FBXL14: variants seen among roughly 807,000 people sequenced by gnomAD.
The protein encoded by FBXL14 is F-box and leucine rich repeat protein 14, also known as F-box/LRR-repeat protein 14.
In FBXL14, 11 loss-of-function variants were observed where a neutral mutation model predicts 24.5. The observed-to-expected ratio is 0.45, with a 90% CI of 0.28 to 0.74. The LOEUF (loss-of-function observed/expected upper bound fraction) is 0.74, where lower values mean the gene tolerates loss of function less well. Among genes scored for constraint, FBXL14 ranks in the 30% least tolerant of loss-of-function variants. The pLI, the probability that FBXL14 is intolerant of heterozygous loss-of-function variation, is 0.12. For missense variants in FBXL14, 384 were observed against 545.6 expected, an observed-to-expected ratio of 0.70 and a Z score of 2.95; for synonymous variants, 294 against 240.4, an observed-to-expected ratio of 1.22 and a Z score of -2.06.
rs2094494208 is a variant in FBXL14 at position 1,593,093 on chromosome 12, A to G, written c.974T>C (p.Met325Thr). ...CHISDDGINR[M>T]VRQMHGLRTL... Reference sequence around the variant, plus strand: ...GCGCAGCCCGTGCATCTGCCGCACCATGCGGTTGATGCCATCATCACTGAT... The same window carrying G: ...GCGCAGCCCGTGCATCTGCCGCACCGTGCGGTTGATGCCATCATCACTGAT... The change falls in exon 1 of 2, where the codon ATG becomes ACG. Residue 325 changes from methionine (M) to threonine (T), a missense_variant. Coordinates refer to ENST00000339235, the MANE Select transcript of FBXL14 (RefSeq NM_152441.3). This position sits in a 1 kb window ranked among gnomAD's most constrained non-coding sequence, Gnocchi z 7.4. 1 of 1,613,294 alleles carries G rather than the reference A, an allele frequency of 6.2e-7. No individual in the cohort carries two copies. Among genetic ancestry groups the G allele is most frequent in the African/African-American group, 1.3e-5 (1 of 74,930 alleles).
At position 1,566,764 on chromosome 12, in the gene FBXL14, C is replaced by T. The variant is rs2094436983; in HGVS notation, c.1241G>A (p.Gly414Glu). ...FSPLFTVRTRGSSRR is the reference protein window; with the variant it reads ...FSPLFTVRTRESSRR ...CCCTCTCCCTCACCTTCTGGAGCTTCCCCGAGTTCTCACAGTGAATAATGG... is the reference window on the plus strand; with the variant it reads ...CCCTCTCCCTCACCTTCTGGAGCTTTCCCGAGTTCTCACAGTGAATAATGG... Residue 414 changes from glycine to glutamate, a missense_variant, in exon 2 of 2, where the codon GGA (glycine) becomes GAA (glutamate). By Grantham distance (98) the Gly-to-Glu change is moderately conservative. Coordinates refer to ENST00000339235, the MANE Select transcript of FBXL14 (RefSeq NM_152441.3). 1.3e-6 allele frequency: 1 copy of T among 781,018 alleles called. No individual in the cohort carries two copies. Among genetic ancestry groups the T allele is most frequent in the African/African-American group, 1.7e-5 (1 of 59,262 alleles). The allele number at this position is 781,018 out of a possible 1,614,324, so 48.4% of individuals were successfully genotyped here. A position where few individuals can be genotyped will look rare whatever the true frequency, so the allele number is the denominator to read the frequency against.
At chr12:1,592,433 C>T (rs907062009) in intron 1 of FBXL14, among the ~76,000 whole-genome samples, 4 of 151,908 alleles carry the variant, frequency 2.6e-5, no homozygotes, top group African/African-American at 9.7e-5. Context: ...TTATACATTT[C>T]AAAATAAAAA....
At chr12:1,575,561 C>A (rs2094454267) in intron 1 of FBXL14, among the ~76,000 whole-genome samples, 1 of 152,202 alleles carries the variant, frequency 6.6e-6, no homozygotes, top group Admixed American at 6.5e-5. Flanking sequence ...TCTACTCCCC[C>A]TCGGAATCTC....
intron 1 of FBXL14, among the ~76,000 whole-genome samples, chr12:1,585,278 G>GT (rs1468427521): frequency 2.6e-5 from 4 of 152,042 alleles, no homozygotes; most frequent in African/African-American, 9.7e-5. Flanking sequence ...GGTGCCTGTG[G>GT]TCCCCGCTAC....
intron 1 of FBXL14, among the ~76,000 whole-genome samples, chr12:1,589,397 CAAAAAAAA>C (rs869295084): frequency 9.1e-5 from 1 of 10,982 alleles, no homozygotes; most frequent in African/African-American, 3.0e-4. Flanking sequence ...GACCTTGTCT[CAAAAAAAA>C]AAAAAAAAAA....
chr12:1,570,743 C>A (rs1229405914), intron 1 of FBXL14, among the ~76,000 whole-genome samples: 3 of 152,174 alleles, frequency 2.0e-5, no homozygotes, highest in Non-Finnish European at 2.9e-5. Flanking sequence ...TTAGTCAGAA[C>A]ATACACTGAA....
chr12:1,590,623 A>C (rs2154438349), intron 1 of FBXL14, among the ~76,000 whole-genome samples: 1 of 152,304 alleles, frequency 6.6e-6, no homozygotes, highest in East Asian at 1.9e-4. Flanking sequence ...CCCCGATTTC[A>C]GTCTAAAAAC....
rs1284283969 is a variant in FBXL14, at chr12:1,594,403, G to T, written c.-337C>A. Among the ~76,000 whole-genome samples, 2 of 145,066 alleles carry T rather than the reference G, an allele frequency of 1.4e-5. No homozygotes were observed. The highest frequency in any genetic ancestry group is 3.1e-5 in the Non-Finnish European group (2 of 65,376). On this transcript the variant is annotated 5_prime_UTR_variant, in exon 1 of 2. Coordinates refer to ENST00000339235, the MANE Select transcript of FBXL14 (RefSeq NM_152441.3). ...GCCGCCTCGGCTCTACCCACGCCGC[G>T]CCCGGGCCGCGCCGCTCCGCCCGCG...
At chr12:1,573,683 A>G (rs1446820310) in intron 1 of FBXL14, among the ~76,000 whole-genome samples, 2 of 152,210 alleles carry the variant, frequency 1.3e-5, no homozygotes, top group African/African-American at 4.8e-5. Flanking sequence ...TTCTATGTCC[A>G]TGGGTACAAC....
rs1387305607 is a variant in FBXL14, at chr12:1,594,572, C to T, written c.-506G>A. On this transcript the variant is annotated 5_prime_UTR_variant, in exon 1 of 2. Transcript: ENST00000339235. ...GGCTTCCTGCTGCCTTTGTCTCTCG[C>T]CCGCTTTTCAAACCTCCCAGCCCCG... is the stretch of plus-strand genomic sequence containing the variant. Among the ~76,000 whole-genome samples the T allele has an allele frequency of 4.0e-5, 6 of 148,706 alleles. No individual in the cohort carries two copies. The highest frequency in any genetic ancestry group is 9.0e-5 in the Non-Finnish European group (6 of 66,644).
Position 1,567,899 on chromosome 12 carries a change from G to A in FBXL14, c.1195-1089C>T, listed in dbSNP as rs951550527. ...CCCACACGCACACGCGCGCACACAC[G>A]TGCGCACACACACAGAACAGAATAT... On this transcript the variant is annotated intron_variant, in intron 1 of 1. Coordinates refer to ENST00000339235, the MANE Select transcript of FBXL14 (RefSeq NM_152441.3). This position sits in a 1 kb window ranked among gnomAD's most constrained non-coding sequence, Gnocchi z 4.8. 9.4e-5 allele frequency among the ~76,000 whole-genome samples: 14 copies of A among 149,496 alleles called. No individual in the cohort carries two copies. The highest frequency in any genetic ancestry group is 1.3e-4 in the Admixed American group (2 of 15,158).
At chr12:1,572,357 G>A (rs1457634245) in intron 1 of FBXL14, among the ~76,000 whole-genome samples, 2 of 152,210 alleles carry the variant, frequency 1.3e-5, no homozygotes, top group Non-Finnish European at 1.5e-5. Flanking sequence ...GACACTTCTT[G>A]GCTCCCAAGA....
At chr12:1,576,571 C>T (rs1223399086) in intron 1 of FBXL14, among the ~76,000 whole-genome samples, 1 of 152,208 alleles carries the variant, frequency 6.6e-6, no homozygotes, top group African/African-American at 2.4e-5. Flanking sequence ...AAGCCCAGCT[C>T]TGTAAAGCAG....
At chr12:1,589,906 C>T (rs1474545902) in intron 1 of FBXL14, among the ~76,000 whole-genome samples, 2 of 152,186 alleles carry the variant, frequency 1.3e-5, no homozygotes, top group East Asian at 3.8e-4. Flanking sequence ...AACAGAAGAA[C>T]GTGCTTCACG....
At chr12:1,568,198 G>A (rs895983268) in intron 1 of FBXL14, among the ~76,000 whole-genome samples, 3 of 152,184 alleles carry the variant, frequency 2.0e-5, no homozygotes, top group Non-Finnish European at 4.4e-5. Context: ...GAGGAGCAAA[G>A]GGAAGAAATG....
intron 1 of FBXL14, among the ~76,000 whole-genome samples, chr12:1,590,150 T>G (rs1156313126): frequency 1.3e-5 from 2 of 152,114 alleles, no homozygotes; most frequent in African/African-American, 4.8e-5. Context: ...CACTTTTTTT[T>G]TTTTCCAGGC....
rs191216903 is a variant in FBXL14, at chr12:1,573,012, G to A, written c.1195-6202C>T. ...CCAGGCAGTGCCTTTTATGGAGGCC[G>A]TAAATCTGGGTAGGTAGAGTGATTT... is the stretch of plus-strand genomic sequence containing the variant. On this transcript the variant is annotated intron_variant, in intron 1 of 1. Coordinates refer to ENST00000339235, the MANE Select transcript of FBXL14 (RefSeq NM_152441.3). 1.1e-4 allele frequency among the ~76,000 whole-genome samples: 16 copies of A among 152,304 alleles called. No individual in the cohort carries two copies. The East Asian group carries it at 2.1e-3, about 20-fold the overall frequency.
chr12:1,577,093 C>T (rs2094457398), intron 1 of FBXL14, among the ~76,000 whole-genome samples: 1 of 152,202 alleles, frequency 6.6e-6, no homozygotes, highest in African/African-American at 2.4e-5. Context: ...ATAAACTCCT[C>T]ATCCTTCCCG....
Position 1,594,229 on chromosome 12 carries a change from C to T in FBXL14, c.-163G>A, listed in dbSNP as rs938884950. On this transcript the variant is annotated 5_prime_UTR_variant, in exon 1 of 2. Coordinates refer to ENST00000339235, the MANE Select transcript of FBXL14 (RefSeq NM_152441.3). Reference sequence around the variant, plus strand: ...CTCCCCGCCTTCCGGCTCCGGCCGCCGCCGCCGCTCCTCCTCCTGGTCCGT... The same window carrying T: ...CTCCCCGCCTTCCGGCTCCGGCCGCTGCCGCCGCTCCTCCTCCTGGTCCGT... 7.4e-6 allele frequency: 2 copies of T among 269,844 alleles called. No homozygotes were observed. Among genetic ancestry groups the T allele is most frequent in the Non-Finnish European group, 1.2e-5 (2 of 167,806 alleles). The allele number at this position is 269,844 out of a possible 1,614,324, so 16.7% of individuals were successfully genotyped here. A position where few individuals can be genotyped will look rare whatever the true frequency, so the allele number is the denominator to read the frequency against.
Sources: gnomAD v4.1 joint callset for allele counts (sites outside exome capture counted in the v4.1 genomes callset) on GRCh38, gnomAD v4.1.1 for gene constraint, Gnocchi (gnomAD v3.1) non-coding constraint, MANE v1.5 for transcripts, NCBI Gene and HGNC (gene_info 2026-07-23, HGNC 2026-07-21) for gene names.